The following CDK14 variants were observed in gnomAD, a reference collection of about 807,000 sequenced individuals.
The protein encoded by CDK14 is cyclin dependent kinase 14.
Under a neutral mutation model 60.7 loss-of-function variants are expected in CDK14, and 34 were observed. The ratio of observed to expected loss-of-function variants is 0.56; its 90% CI spans 0.43 to 0.75. The LOEUF (loss-of-function observed/expected upper bound fraction) is 0.75. Among genes scored for constraint, CDK14 ranks in the 30% least tolerant of loss-of-function variants. The pLI, the probability that CDK14 is intolerant of heterozygous loss-of-function variation, is 0.00. For missense variants in CDK14, 482 were observed against 564.1 expected (o/e 0.85, Z 1.47); for synonymous variants, 197 against 203.7 (o/e 0.97, Z 0.28).
chr7:91,186,312 G>A (rs181551602), intron 14 of CDK14, among the ~76,000 whole-genome samples: 874 of 82,518 alleles, frequency 0.011, 23 homozygotes, highest in African/African-American at 0.032. Flanking sequence ...CCTCCCCTTC[G>A]ATTCCCTTCC....
At chr7:90,718,725 A>G (rs376381052) in intron 2 of CDK14, among the ~76,000 whole-genome samples, 48 of 152,182 alleles carry the variant, frequency 3.2e-4, no homozygotes, top group African/African-American at 1.1e-3. Flanking sequence ...GTGTATACAC[A>G]CATACATACA....
intron 8 of CDK14, among the ~76,000 whole-genome samples, chr7:90,936,034 CCT>C (rs1562835025): frequency 6.7e-6 from 1 of 148,428 alleles, no homozygotes; most frequent in Non-Finnish European, 1.5e-5. Flanking sequence ...AGAGCGAGAC[CCT>C]GTCTTAAAAA....
chr7:90,749,460 CTCACTTTGT>C lies in CDK14; in HGVS notation c.464+1689_464+1697del, dbSNP rs946024501. On this transcript the variant is annotated intron_variant, in intron 4 of 14. Coordinates refer to ENST00000380050, the MANE Select transcript of CDK14 (RefSeq NM_001287135.2). ...GATCTCCAGGCAGTTAGAGCACCTGCTCACTTTGTTCAGCATCCTGAGTCACTCACTCTT... is the reference window on the plus strand; with the variant it reads ...GATCTCCAGGCAGTTAGAGCACCTGCTCAGCATCCTGAGTCACTCACTCTT... Among the ~76,000 whole-genome samples, 101 of 151,844 alleles carry C rather than the reference CTCACTTTGT, an allele frequency of 6.7e-4. 1 individual carries two copies. The highest frequency in any genetic ancestry group is 2.4e-3 in the African/African-American group (98 of 41,382).
At chr7:90,658,667 A>G (rs1800802137) in intron 2 of CDK14, among the ~76,000 whole-genome samples, 1 of 152,206 alleles carries the variant, frequency 6.6e-6, no homozygotes, top group South Asian at 2.1e-4. Context: ...ATTCCATCAT[A>G]TGGATAGGAC....
intron 9 of CDK14, among the ~76,000 whole-genome samples, chr7:90,959,367 G>C (rs1312569388): frequency 1.3e-5 from 2 of 152,076 alleles, no homozygotes; most frequent in Admixed American, 6.6e-5. Flanking sequence ...AAGCTATCTT[G>C]TTATTATCCT....
At chr7:90,671,290 T>C (rs1584783561) in intron 2 of CDK14, among the ~76,000 whole-genome samples, 1 of 112,946 alleles carries the variant, frequency 8.9e-6, no homozygotes, top group East Asian at 2.1e-4. Flanking sequence ...AGGAGATGAC[T>C]TTTTTTTTTT....
chr7:90,770,580 A>G (rs1804745220), intron 4 of CDK14, among the ~76,000 whole-genome samples: 1 of 152,226 alleles, frequency 6.6e-6, no homozygotes. Context: ...ATATCACATT[A>G]CTTAACTGGA....
intron 9 of CDK14, among the ~76,000 whole-genome samples, chr7:90,966,669 G>C (rs1394943042): frequency 1.3e-5 from 2 of 152,092 alleles, no homozygotes; most frequent in African/African-American, 4.8e-5. Context: ...CCCTGCTGGT[G>C]TGTGTTTAGG....
At chr7:91,173,927 A>G (rs1353778847) in intron 14 of CDK14, among the ~76,000 whole-genome samples, 15 of 152,348 alleles carry the variant, frequency 9.8e-5, no homozygotes, top group Middle Eastern at 3.4e-3. Flanking sequence ...CAAAGCAGCC[A>G]GGAAGCTCCA....
intron 1 of CDK14, among the ~76,000 whole-genome samples, chr7:90,598,708 T>G (rs12704551): frequency 1.4e-4 from 6 of 42,696 alleles, no homozygotes; most frequent in East Asian, 5.5e-3. Flanking sequence ...CTAAGGATTT[T>G]TTTTTTTTTT....
At chr7:90,605,578 A>G (rs1013924310) in intron 2 of CDK14, among the ~76,000 whole-genome samples, 1 of 152,092 alleles carries the variant, frequency 6.6e-6, no homozygotes, top group Non-Finnish European at 1.5e-5. Context: ...TCAATATGAG[A>G]ATATTTGGTA....
chr7:90,632,779 T>G (rs1275989562), intron 2 of CDK14, among the ~76,000 whole-genome samples: 1 of 152,180 alleles, frequency 6.6e-6, no homozygotes, highest in Admixed American at 6.5e-5. Context: ...ATGTTGTCAC[T>G]AGAAACATTG....
chr7:90,730,167 C>T (rs1006144770), intron 3 of CDK14, among the ~76,000 whole-genome samples: 6 of 152,150 alleles, frequency 3.9e-5, no homozygotes, highest in Admixed American at 6.5e-5. Context: ...CATCCATGTC[C>T]GCGCAGAGGA....
chr7:90,701,977 A>G (rs1198372657), intron 2 of CDK14, among the ~76,000 whole-genome samples: 1 of 151,990 alleles, frequency 6.6e-6, no homozygotes, highest in Non-Finnish European at 1.5e-5. Context: ...CTGCTTTGCT[A>G]CCATCAAGGG....
At chr7:91,073,390 T>C (rs1798210275) in intron 11 of CDK14, among the ~76,000 whole-genome samples, 6 of 152,140 alleles carry the variant, frequency 3.9e-5, no homozygotes, top group Admixed American at 2.6e-4. Context: ...GAATTTCATA[T>C]CCAGCCAAAC....
intron 2 of CDK14, among the ~76,000 whole-genome samples, chr7:90,627,837 GC>G (rs1234568440): frequency 6.6e-6 from 1 of 152,200 alleles, no homozygotes; most frequent in Non-Finnish European, 1.5e-5. Flanking sequence ...TCAGCATTTA[GC>G]GAAATCCCTG....
chr7:90,647,721 T>C (rs1471143297), intron 2 of CDK14, among the ~76,000 whole-genome samples: 3 of 152,202 alleles, frequency 2.0e-5, no homozygotes, highest in Non-Finnish European at 4.4e-5. Context: ...CCAGGTGCAG[T>C]AGCTCATGCC....
At chr7:91,109,362 C>T (rs1385399854) in intron 12 of CDK14, among the ~76,000 whole-genome samples, 1 of 152,038 alleles carries the variant, frequency 6.6e-6, no homozygotes, top group Non-Finnish European at 1.5e-5. Flanking sequence ...TCAGCGTTCA[C>T]CAGCTTCCAA....
In CDK14 at chr7:90,726,828, T is replaced by C; in HGVS notation, c.369+16T>C. 6.2e-7 allele frequency: 1 copy of C among 1,612,466 alleles called. No homozygotes were observed. The highest frequency in any genetic ancestry group is 8.5e-7 in the Non-Finnish European group (1 of 1,179,288). ...CCCCAGCTCGGTAAGTGCAGTCTTT[T>C]TGTTTATCACTGGGTAAACAGAAGG... On this transcript the variant is annotated intron_variant, in intron 3 of 14. Transcript: ENST00000380050.
Sources: gnomAD v4.1 joint callset for allele counts (sites outside exome capture counted in the v4.1 genomes callset) on GRCh38, gnomAD v4.1.1 for gene constraint, MANE v1.5 for transcripts, NCBI Gene and HGNC (gene_info 2026-07-23, HGNC 2026-07-21) for gene names.